The following SCN11A variants were observed in gnomAD, a reference collection of about 807,000 sequenced individuals.
SCN11A encodes sodium channel protein type 11 subunit alpha.
In SCN11A, 122 loss-of-function variants were observed where a neutral mutation model predicts 162.2. The ratio of observed to expected loss-of-function variants is 0.75; its 90% CI spans 0.65 to 0.87. SCN11A has a LOEUF of 0.87. Ranked by LOEUF, SCN11A falls within the 40% of genes least tolerant of loss-of-function variation. The pLI is 0.00. For missense variants in SCN11A, 2,015 were observed against 2,181.6 expected, an observed-to-expected ratio of 0.92 and a Z score of 1.52; for synonymous variants, 758 against 751.5, an observed-to-expected ratio of 1.01 and a Z score of -0.14.
At chr3:39,017,508 T>G (rs1163762951) in intron 2 of SCN11A, among the ~76,000 whole-genome samples, 1 of 152,172 alleles carries the variant, frequency 6.6e-6, no homozygotes, top group East Asian at 1.9e-4. Context: ...AGAGTTGTTT[T>G]CTTTATGTTT....
In SCN11A at chr3:38,921,226, G is replaced by A. The variant is rs764550088; in HGVS notation, c.742C>T (p.Arg248Cys). ...RLKVIVGALL[R>C]SVKKLVNVII... ...ACGTTGACCAGCTTCTTCACAGAGC[G>A]TAGCAAGGCCCCCACGATGACCTTC... Residue 248 changes from arginine to cysteine, a missense_variant, in exon 10 of 30, where the codon CGC (arginine) becomes TGC (cysteine). Physicochemically the swap from Arg to Cys is radical, Grantham distance 180 (BLOSUM62 -3). Transcript: ENST00000302328. The A allele has an allele frequency of 4.5e-5, 72 of 1,613,914 alleles. No individual in the cohort carries two copies. Among genetic ancestry groups the A allele is most frequent in the East Asian group, 2.2e-4 (10 of 44,892 alleles).
At chr3:38,989,748 G>C (rs1282748997) in intron 2 of SCN11A, among the ~76,000 whole-genome samples, 1 of 152,128 alleles carries the variant, frequency 6.6e-6, no homozygotes, top group Non-Finnish European at 1.5e-5. Flanking sequence ...CCACATAGTG[G>C]AACTGGTAGG....
At chr3:39,037,401 AC>A (rs1046824270) in intron 1 of SCN11A, among the ~76,000 whole-genome samples, 30 of 152,116 alleles carry the variant, frequency 2.0e-4, no homozygotes, top group Non-Finnish European at 2.4e-4. Flanking sequence ...AATGAATAAA[AC>A]CTAGTATTTG....
intron 2 of SCN11A, among the ~76,000 whole-genome samples, chr3:38,983,347 G>A (rs572082638): frequency 6.6e-6 from 1 of 152,276 alleles, no homozygotes; most frequent in African/African-American, 2.4e-5. Flanking sequence ...GTTAAGTTAA[G>A]GCTTCTAGAA....
At chr3:38,941,101 C>T (rs928564026) in intron 7 of SCN11A, among the ~76,000 whole-genome samples, 2 of 152,158 alleles carry the variant, frequency 1.3e-5, no homozygotes, top group African/African-American at 2.4e-5. Context: ...CCACTCCCAC[C>T]CCAACACTGG....
chr3:38,893,942 C>T (rs2065542344), intron 19 of SCN11A, among the ~76,000 whole-genome samples: 1 of 152,046 alleles, frequency 6.6e-6, no homozygotes, highest in Non-Finnish European at 1.5e-5. Context: ...TCAAATCTGT[C>T]ACTGCCTTGA....
intron 13 of SCN11A, among the ~76,000 whole-genome samples, chr3:38,908,677 G>C (rs1342465639): frequency 6.6e-6 from 1 of 152,184 alleles, no homozygotes; most frequent in Non-Finnish European, 1.5e-5. Flanking sequence ...AAAGCCTGGA[G>C]CACAGCCTGG....
At chr3:38,970,432 C>A (rs1467810401) in intron 2 of SCN11A, among the ~76,000 whole-genome samples, 1 of 152,186 alleles carries the variant, frequency 6.6e-6, no homozygotes, top group Admixed American at 6.5e-5. Flanking sequence ...GTCACCAGCT[C>A]ATTAGATTGC....
chr3:39,002,937 AATT>A (rs145987675), intron 2 of SCN11A, among the ~76,000 whole-genome samples: 16,388 of 152,156 alleles, frequency 0.11, 1,482 homozygotes, highest in African/African-American at 0.25. Flanking sequence ...TTAGGAACTT[AATT>A]TAGAAAATTA....
intron 27 of SCN11A, among the ~76,000 whole-genome samples, chr3:38,864,013 A>G (rs2065005242): frequency 6.6e-6 from 1 of 152,140 alleles, no homozygotes. Flanking sequence ...ATCTCTGTAA[A>G]CTAGAATCTC....
chr3:39,012,474 CTT>C lies in SCN11A; in HGVS notation c.-280+19904_-280+19905del, dbSNP rs1401623615. Among the ~76,000 whole-genome samples the C allele has an allele frequency of 6.1e-4, 88 of 144,112 alleles. 2 individuals are homozygous for C. The highest frequency in any genetic ancestry group is 2.4e-3 in the African/African-American group (87 of 36,340). The allele number at this position is 144,112 out of a possible 152,430, so 94.5% of individuals were successfully genotyped here. ...TCTCTCTTTCTTTCTTTCTCTCTCT[CTT>C]TCTCTCTTTCTTTTTTTTTTTTTTG... On this transcript the variant is annotated intron_variant, in intron 2 of 29. Coordinates refer to ENST00000302328, the MANE Select transcript of SCN11A (RefSeq NM_001349253.2).
At chr3:38,905,087 C>T in intron 15 of SCN11A, 105 bp downstream of exon 15, 2 of 1,487,612 alleles carry the variant, frequency 1.3e-6, no homozygotes, top group Non-Finnish European at 1.9e-6. Flanking sequence ...TGGGTTGGTT[C>T]CAAAACAGCC....
At chr3:38,870,862 C>A in intron 25 of SCN11A, 118 bp from the exon 26 acceptor site, 1 of 750,656 alleles carries the variant, frequency 1.3e-6, no homozygotes. Flanking sequence ...ATACCCCAAC[C>A]TTCTAGGACA....
intron 2 of SCN11A, among the ~76,000 whole-genome samples, chr3:38,993,510 G>A (rs760785407): frequency 2.4e-4 from 37 of 152,154 alleles, no homozygotes; most frequent in Non-Finnish European, 5.0e-4. Flanking sequence ...ACGGAAATTG[G>A]TTTTACTATA....
At chr3:38,889,970 A>G (rs2065471798) in intron 19 of SCN11A, among the ~76,000 whole-genome samples, 2 of 151,808 alleles carry the variant, frequency 1.3e-5, no homozygotes, top group South Asian at 4.2e-4. Context: ...TGCATGAGTT[A>G]TGGAAAAAAA....
chr3:39,034,233 A>C (rs1204001018), intron 1 of SCN11A, among the ~76,000 whole-genome samples: 1 of 152,168 alleles, frequency 6.6e-6, no homozygotes, highest in Admixed American at 6.5e-5. Flanking sequence ...ATTCATCAGC[A>C]CATTAAAAAG....
At chr3:39,000,958 A>C (rs2030793262) in intron 2 of SCN11A, among the ~76,000 whole-genome samples, 1 of 152,082 alleles carries the variant, frequency 6.6e-6, no homozygotes, top group Non-Finnish European at 1.5e-5. Flanking sequence ...AATTGCTTGA[A>C]CCTGGGAGGC....
At chr3:39,002,245 C>A (rs1050647916) in intron 2 of SCN11A, among the ~76,000 whole-genome samples, 1 of 152,088 alleles carries the variant, frequency 6.6e-6, no homozygotes, top group African/African-American at 2.4e-5. Flanking sequence ...TGATTCCTAA[C>A]CTGAAAAGTT....
intron 28 of SCN11A, among the ~76,000 whole-genome samples, chr3:38,860,678 C>T (rs1404694917): frequency 6.6e-6 from 1 of 152,072 alleles, no homozygotes; most frequent in Non-Finnish European, 1.5e-5. Context: ...AAGCATTTGA[C>T]AAAATTCAGC....
Sources: gnomAD v4.1 joint callset for allele counts (sites outside exome capture counted in the v4.1 genomes callset) on GRCh38, gnomAD v4.1.1 for gene constraint, MANE v1.5 for transcripts, NCBI Gene and HGNC (gene_info 2026-07-23, HGNC 2026-07-21) for gene names.